Variants in HECW1 observed in about 807,000 individuals in gnomAD.
The protein encoded by HECW1 is E3 ubiquitin-protein ligase HECW1.
HECW1 carries 61 observed loss-of-function variants against 182.3 expected under a neutral mutation model. That is an observed-to-expected ratio of 0.33 (90% CI 0.27 to 0.41). The LOEUF is 0.41. Among genes scored for constraint, HECW1 ranks in the 10% least tolerant of loss-of-function variants. The probability of loss-of-function intolerance (pLI) is 1.00; values close to 1 mark genes in which losing one functional copy is unlikely to be tolerated. For synonymous variants in HECW1, 859 were observed against 832.6 expected, an observed-to-expected ratio of 1.03 and a Z score of -0.55; for missense variants, 1,739 against 2,108.9, an observed-to-expected ratio of 0.82 and a Z score of 3.44.
At position 43,507,155 on chromosome 7, in the gene HECW1, C is replaced by G. The variant is rs749996785; in HGVS notation, c.3650C>G (p.Ala1217Gly). ...TCTGCAGGTTTACAGAGAGCCAGTG[C>G]AAGAGCCCCTTCCCCCTACCGAAGA... ...QNSPGLQRAS[A>G]RAPSPYRRDF... Residue 1217 changes from alanine (A) to glycine (G), a missense_variant, in exon 22 of 30, where the codon GCA becomes GGA. By Grantham distance (60) the Ala-to-Gly change is moderately conservative (BLOSUM62 0). Coordinates refer to ENST00000395891, the MANE Select transcript of HECW1 (RefSeq NM_015052.5). 1.9e-6 allele frequency: 3 copies of G among 1,613,728 alleles called. No individual in the cohort carries two copies. The highest frequency in any genetic ancestry group is 2.5e-6 in the Non-Finnish European group (3 of 1,179,814).
At chr7:43,372,159 G>A (rs2074133005) in intron 6 of HECW1, among the ~76,000 whole-genome samples, 1 of 152,046 alleles carries the variant, frequency 6.6e-6, no homozygotes, top group Non-Finnish European at 1.5e-5. Flanking sequence ...AAGGCTCAGA[G>A]CAGTGCCTTT....
chr7:43,378,332 G>A (rs1252410292), intron 6 of HECW1, among the ~76,000 whole-genome samples: 3 of 152,216 alleles, frequency 2.0e-5, no homozygotes, highest in African/African-American at 7.2e-5. Flanking sequence ...GAGAGGAGAG[G>A]ACTTGTCAGG....
rs185320619 is a variant in HECW1, at chr7:43,280,637, G to C, written c.28-31126G>C. ...ACTTTTGAGAGGAGGATGAGTACTCGTGATAATCCCAGTACAATGAGAAAG... is the reference window on the plus strand; with the variant it reads ...ACTTTTGAGAGGAGGATGAGTACTCCTGATAATCCCAGTACAATGAGAAAG... On this transcript the variant is annotated intron_variant, in intron 3 of 29. Coordinates refer to ENST00000395891, the MANE Select transcript of HECW1 (RefSeq NM_015052.5). Among the ~76,000 whole-genome samples the C allele has an allele frequency of 4.6e-5, 7 of 152,288 alleles. No individual in the cohort carries two copies. The South Asian group carries it at 1.5e-3, about 32-fold the overall frequency.
At chr7:43,490,968 A>T (rs911849072) in intron 17 of HECW1, among the ~76,000 whole-genome samples, 3 of 152,114 alleles carry the variant, frequency 2.0e-5, no homozygotes, top group Admixed American at 6.6e-5. Flanking sequence ...CTGGTGGCCA[A>T]TCTCAAACTC....
chr7:43,287,899 G>T (rs1562786618), intron 3 of HECW1, among the ~76,000 whole-genome samples: 1 of 152,214 alleles, frequency 6.6e-6, no homozygotes, highest in Admixed American at 6.5e-5. Context: ...TAGGTGTTCA[G>T]TCTGGTACCT....
intron 6 of HECW1, among the ~76,000 whole-genome samples, chr7:43,378,564 G>A (rs1056742142): frequency 6.6e-6 from 1 of 152,208 alleles, no homozygotes; most frequent in Non-Finnish European, 1.5e-5. Context: ...TAGCACTTTG[G>A]GAGGCCAAGG....
intron 3 of HECW1, among the ~76,000 whole-genome samples, chr7:43,299,068 G>C (rs1169301750): frequency 6.6e-6 from 1 of 152,236 alleles, no homozygotes; most frequent in African/African-American, 2.4e-5. Flanking sequence ...AAATGGCAGT[G>C]AGTGCCCTTG....
At chr7:43,221,010 T>C (rs559272932) in intron 2 of HECW1, among the ~76,000 whole-genome samples, 44 of 152,266 alleles carry the variant, frequency 2.9e-4, no homozygotes, top group Non-Finnish European at 5.6e-4. Flanking sequence ...CCATTTGGGC[T>C]CAGCATTTAG....
intron 26 of HECW1, among the ~76,000 whole-genome samples, chr7:43,542,698 T>A (rs926461361): frequency 6.6e-6 from 1 of 152,194 alleles, no homozygotes; most frequent in African/African-American, 2.4e-5. Context: ...TCAATTCTTT[T>A]GGATATATAC....
chr7:43,451,155 T>C (rs1050669532), intron 12 of HECW1, among the ~76,000 whole-genome samples: 10 of 152,256 alleles, frequency 6.6e-5, no homozygotes, highest in Non-Finnish European at 1.5e-5. Flanking sequence ...GATAACACAG[T>C]GTTTTCAGTG....
At chr7:43,499,550 G>C (rs1330857271) in intron 19 of HECW1, among the ~76,000 whole-genome samples, 2 of 151,802 alleles carry the variant, frequency 1.3e-5, no homozygotes, top group African/African-American at 4.8e-5. Context: ...AACTGAGTGA[G>C]GGGTATACAG....
chr7:43,211,470 T>C (rs995521650), intron 2 of HECW1, among the ~76,000 whole-genome samples: 1 of 150,788 alleles, frequency 6.6e-6, no homozygotes, highest in African/African-American at 2.4e-5. Flanking sequence ...ATTGATCATC[T>C]CTGTCCTCAG....
intron 6 of HECW1, among the ~76,000 whole-genome samples, chr7:43,391,345 A>T (rs1442170070): frequency 2.0e-5 from 3 of 152,158 alleles, no homozygotes; most frequent in Non-Finnish European, 4.4e-5. Flanking sequence ...TCCCCAGTTC[A>T]TCTGTATCTC....
At chr7:43,459,081 G>T (rs190048030) in intron 13 of HECW1, among the ~76,000 whole-genome samples, 39 of 152,148 alleles carry the variant, frequency 2.6e-4, no homozygotes, top group African/African-American at 9.2e-4. Flanking sequence ...GCAGGAAAAT[G>T]CCTCCCACCT....
chr7:43,452,488 T>C (rs959702744), intron 12 of HECW1, among the ~76,000 whole-genome samples: 1 of 152,256 alleles, frequency 6.6e-6, no homozygotes, highest in Non-Finnish European at 1.5e-5. Context: ...TAATGAATCC[T>C]ACCAACTGAA....
intron 4 of HECW1, among the ~76,000 whole-genome samples, chr7:43,318,855 G>A (rs1432690844): frequency 3.3e-5 from 5 of 152,204 alleles, no homozygotes; most frequent in South Asian, 2.1e-4. Flanking sequence ...CAGCCCCTAC[G>A]GTGGATTTGG....
intron 26 of HECW1, among the ~76,000 whole-genome samples, chr7:43,544,855 T>G (rs781723000): frequency 7.2e-5 from 11 of 151,804 alleles, no homozygotes; most frequent in African/African-American, 1.2e-4. Context: ...CTAACAACAA[T>G]AAAGAAAGAA....
intron 2 of HECW1, among the ~76,000 whole-genome samples, chr7:43,115,193 A>C (rs1784943506): frequency 6.6e-6 from 1 of 152,190 alleles, no homozygotes; most frequent in Non-Finnish European, 1.5e-5. Flanking sequence ...AAGCAAACCA[A>C]GGATTGACTG....
chr7:43,435,495 T>C (rs1377035698), intron 8 of HECW1, among the ~76,000 whole-genome samples: 1 of 152,250 alleles, frequency 6.6e-6, no homozygotes, highest in Non-Finnish European at 1.5e-5. Flanking sequence ...ACATGGTCAC[T>C]GTGGAACTCG....
Sources: allele counts gnomAD v4.1 joint callset (sites outside exome capture counted in the v4.1 genomes callset), GRCh38; gene constraint gnomAD v4.1.1; transcripts MANE v1.5; gene names NCBI Gene and HGNC (gene_info 2026-07-23, HGNC 2026-07-21).